Variants in DMD observed in about 807,000 individuals in gnomAD.
DMD encodes the protein mutant dystrophin.
In DMD, 63 loss-of-function variants were observed where a neutral mutation model predicts 330.1. The observed-to-expected ratio is 0.19, with a 90% CI of 0.16 to 0.24. The LOEUF (loss-of-function observed/expected upper bound fraction) is 0.24. Ranked by LOEUF, DMD falls within the 10% of genes least tolerant of loss-of-function variation. The pLI is 1.00. For missense variants in DMD, 3,344 were observed against 2,684.1 expected, an observed-to-expected ratio of 1.25 and a Z score of -5.43; for synonymous variants, 1,223 against 959.8, an observed-to-expected ratio of 1.27 and a Z score of -5.07.
intron 44 of DMD, among the ~76,000 whole-genome samples, chrX:32,104,376 G>T (rs944196721): frequency 3.6e-5 from 4 of 111,305 alleles, no homozygotes; most frequent in African/African-American, 1.3e-4. Context: ...AAACTAGAGA[G>T]GTAAAGCAAC....
chrX:32,332,632 G>A (rs1469087474), intron 41 of DMD, among the ~76,000 whole-genome samples: 1 of 110,790 alleles, frequency 9.0e-6, no homozygotes, highest in African/African-American at 3.3e-5. Flanking sequence ...AGGTGGAGCA[G>A]AGGAAAGTAT....
At chrX:31,372,556 G>T (rs1381406154) in intron 60 of DMD, among the ~76,000 whole-genome samples, 2 of 111,988 alleles carry the variant, frequency 1.8e-5, no homozygotes, top group Admixed American at 1.9e-4. Context: ...ACACTGTTCT[G>T]TCCCATATGT....
chrX:33,088,569 G>C (rs771752663), intron 1 of DMD, among the ~76,000 whole-genome samples: 1 of 110,743 alleles, frequency 9.0e-6, no homozygotes, highest in East Asian at 2.9e-4. Context: ...AAGCTGCTAA[G>C]AGCTACTCGG....
chrX:31,400,809 A>T (rs991571009), intron 60 of DMD, among the ~76,000 whole-genome samples: 1 of 112,196 alleles, frequency 8.9e-6, no homozygotes, highest in Non-Finnish European at 1.9e-5. Context: ...AAAACAATCA[A>T]AAACCCAACT....
intron 44 of DMD, among the ~76,000 whole-genome samples, chrX:32,024,902 T>C (rs2095836221): frequency 8.9e-6 from 1 of 112,034 alleles, no homozygotes; most frequent in East Asian, 2.8e-4. Context: ...AGGGATCATG[T>C]GTCCAAGAAG....
At chrX:31,270,623 G>A (rs1460352423) in intron 62 of DMD, among the ~76,000 whole-genome samples, 1 of 112,151 alleles carries the variant, frequency 8.9e-6, no homozygotes, top group African/African-American at 3.2e-5. Flanking sequence ...AAGGGTTAGA[G>A]AAATGGGCAA....
intron 60 of DMD, among the ~76,000 whole-genome samples, chrX:31,388,584 A>C (rs1402308532): frequency 8.9e-6 from 1 of 112,001 alleles, no homozygotes; most frequent in African/African-American, 3.2e-5. Flanking sequence ...CCTCATTTTG[A>C]AGACAGAAAA....
At chrX:32,039,126 G>T (rs1035506527) in intron 44 of DMD, among the ~76,000 whole-genome samples, 1 of 110,903 alleles carries the variant, frequency 9.0e-6, no homozygotes, top group Non-Finnish European at 1.9e-5. Flanking sequence ...ATGTAAAGGA[G>T]GGGGGGATAT....
At chrX:31,361,158 A>C (rs1486225611) in intron 60 of DMD, among the ~76,000 whole-genome samples, 1 of 111,591 alleles carries the variant, frequency 9.0e-6, no homozygotes, top group Non-Finnish European at 1.9e-5. Context: ...TGAGTTTGAC[A>C]GACCCATCTT....
In DMD at chrX:32,545,335, C is replaced by A; in HGVS notation, c.1993-1G>T. 1 of 1,209,813 alleles carries A rather than the reference C, an allele frequency of 8.3e-7. No individual in the cohort carries two copies. The highest frequency in any genetic ancestry group is 1.1e-6 in the Non-Finnish European group (1 of 894,170). ...GAGTGGTGGTGACAGCCTGTGAAAT[C>A]TGTGAGAAGTATTGAAACAGAGGTC... On this transcript the variant is annotated splice_acceptor_variant, in intron 16 of 78. Transcript: ENST00000357033. LOFTEE classifies it high-confidence loss of function.
In DMD at chrX:32,688,811, C is replaced by T. The variant is rs1211482078; in HGVS notation, c.960+9059G>A. On this transcript the variant is annotated intron_variant, in intron 9 of 78. Transcript: ENST00000357033. ...ACACCATTAAAATTCTTATTTACAT[C>T]AAAATAAACATGAATAGAATAATTC... 6.3e-5 allele frequency among the ~76,000 whole-genome samples: 7 copies of T among 111,380 alleles called. No homozygotes were observed. In the Admixed American group the frequency reaches 6.7e-4, roughly 11 times the overall value.
At chrX:33,135,338 G>A (rs766377884) in intron 1 of DMD, among the ~76,000 whole-genome samples, 2 of 111,686 alleles carry the variant, frequency 1.8e-5, no homozygotes, top group Admixed American at 9.6e-5. Flanking sequence ...CCCCACTAAC[G>A]TCCAACACGT....
chrX:32,985,700 C>T (rs2092826326), intron 2 of DMD, among the ~76,000 whole-genome samples: 1 of 111,923 alleles, frequency 8.9e-6, no homozygotes, highest in Non-Finnish European at 1.9e-5. Flanking sequence ...GAGTTTCAGC[C>T]AGTTGCTGTG....
chrX:31,724,949 A>C lies in DMD; in HGVS notation c.7660+4682T>G, dbSNP rs1422386601. On this transcript the variant is annotated intron_variant, in intron 52 of 78. Coordinates refer to ENST00000357033, the MANE Select transcript of DMD (RefSeq NM_004006.3). ...ACATGTAAAAGACAATCCTTTGATTAGACACTCAAATACACAGAAGTCAAA... is the reference window on the plus strand; with the variant it reads ...ACATGTAAAAGACAATCCTTTGATTCGACACTCAAATACACAGAAGTCAAA... Among the ~76,000 whole-genome samples the C allele has an allele frequency of 3.6e-5, 4 of 112,389 alleles. No homozygotes were observed. The East Asian group carries it at 1.1e-3, about 31-fold the overall frequency.
intron 60 of DMD, among the ~76,000 whole-genome samples, chrX:31,404,858 G>T (rs1053073537): frequency 2.7e-5 from 3 of 112,146 alleles, no homozygotes; most frequent in Non-Finnish European, 5.6e-5. Flanking sequence ...CTTTCAAATT[G>T]CCATTTATGC....
chrX:31,905,385 G>A lies in DMD; in HGVS notation c.6912+24211C>T, dbSNP rs375220338. On this transcript the variant is annotated intron_variant, in intron 47 of 78. Transcript: ENST00000357033. ...ACTTTTTAAACTTGGTTCTTTGGGG[G>A]TGAAAAAGCAGGCATATTTTTCACC... Among the ~76,000 whole-genome samples the A allele has an allele frequency of 2.7e-5, 3 of 111,075 alleles. No individual in the cohort carries two copies. The East Asian group carries it at 8.5e-4, about 31-fold the overall frequency.
intron 60 of DMD, among the ~76,000 whole-genome samples, chrX:31,382,777 C>A (rs1419455780): frequency 9.0e-6 from 1 of 111,295 alleles, no homozygotes; most frequent in Non-Finnish European, 1.9e-5. Context: ...CTCTAGGTTC[C>A]CACGCCACCC....
chrX:33,060,837 CAAAAAA>C (rs5902049), intron 1 of DMD, among the ~76,000 whole-genome samples: 1 of 62,945 alleles, frequency 1.6e-5, no homozygotes. Flanking sequence ...AACTTCATTT[CAAAAAA>C]AAAAAAAAAA....
intron 17 of DMD, among the ~76,000 whole-genome samples, chrX:32,543,962 A>G (rs1290755949): frequency 8.9e-6 from 1 of 112,634 alleles, no homozygotes; most frequent in African/African-American, 3.2e-5. Context: ...CATTATTTAT[A>G]ACACTGAAAT....
Sources: allele counts gnomAD v4.1 joint callset (sites outside exome capture counted in the v4.1 genomes callset), GRCh38; gene constraint gnomAD v4.1.1; transcripts MANE v1.5; gene names NCBI Gene and HGNC (gene_info 2026-07-23, HGNC 2026-07-21).